Variants in WNK1 observed in about 807,000 individuals in gnomAD.
WNK1 encodes the protein WNK lysine deficient protein kinase 1.
Under a neutral mutation model 222.8 loss-of-function variants are expected in WNK1, and 38 were observed. The observed-to-expected ratio is 0.17, with a 90% confidence interval of 0.13 to 0.22. The LOEUF (loss-of-function observed/expected upper bound fraction) is 0.22. Ranked by LOEUF, WNK1 falls within the 10% of genes least tolerant of loss-of-function variation. WNK1 has a pLI of 1.00. For missense variants in WNK1, 2,348 were observed against 2,918.4 expected (o/e 0.80, Z 4.50); for synonymous variants, 1,090 against 1,092.9 (o/e 1.00, Z 0.05).
intron 1 of WNK1, among the ~76,000 whole-genome samples, chr12:758,157 T>C (rs1400930634): frequency 6.8e-6 from 1 of 146,674 alleles, no homozygotes; most frequent in Non-Finnish European, 1.5e-5. Context: ...CGTTATATGT[T>C]GATGAGATTG....
chr12:825,045 A>G (rs889878737), intron 2 of WNK1, among the ~76,000 whole-genome samples: 2 of 152,178 alleles, frequency 1.3e-5, no homozygotes, highest in African/African-American at 2.4e-5. Flanking sequence ...TTTTTCTTTT[A>G]CCTCCAAACA....
rs564401636 is a variant in WNK1, at chr12:809,649, A to C, written c.760-3993A>C. On this transcript the variant is annotated intron_variant, in intron 1 of 27. Coordinates refer to ENST00000315939, the MANE Select transcript of WNK1 (RefSeq NM_018979.4). ...AGTTGTAGTTTTTCCAACCTTTCCC[A>C]GGCCTTCAATCTCTAATTCTGAAGT... 2.0e-5 allele frequency among the ~76,000 whole-genome samples: 3 copies of C among 152,290 alleles called. No homozygotes were observed. In the East Asian group the frequency reaches 5.8e-4, roughly 29 times the overall value.
chr12:799,971 T>C (rs1021696892), intron 1 of WNK1, among the ~76,000 whole-genome samples: 18 of 152,036 alleles, frequency 1.2e-4, no homozygotes, highest in Admixed American at 1.1e-3. Context: ...ACCGCGCTTG[T>C]CCTACAAAAA....
At chr12:800,176 T>C (rs1285900772) in intron 1 of WNK1, among the ~76,000 whole-genome samples, 1 of 152,042 alleles carries the variant, frequency 6.6e-6, no homozygotes, top group Non-Finnish European at 1.5e-5. Context: ...GAATATTTAT[T>C]TGGACTGAAA....
chr12:878,270 A>C lies in WNK1; in HGVS notation c.2282A>C (p.Gln761Pro). Residue 761 changes from glutamine to proline, a missense_variant, in exon 10 of 28, where the codon CAG (glutamine) becomes CCG (proline). Physicochemically the swap from Gln to Pro is moderately conservative, Grantham distance 76. Coordinates refer to ENST00000315939, the MANE Select transcript of WNK1 (RefSeq NM_018979.4). ...PQQTVQYSLS[Q>P]TSTSSEATTA... is the part of the protein sequence containing the mutation. ...CAGACAGTGCAGTATTCACTTTCACAGACATCAACCTCCAGTGAGGCCACT... is the reference window on the plus strand; with the variant it reads ...CAGACAGTGCAGTATTCACTTTCACCGACATCAACCTCCAGTGAGGCCACT... 1 of 1,614,158 alleles carries C rather than the reference A, an allele frequency of 6.2e-7. No individual in the cohort carries two copies. The highest frequency in any genetic ancestry group is 8.5e-7 in the Non-Finnish European group (1 of 1,180,014).
chr12:862,405 CT>C, intron 8 of WNK1, 135 bp downstream of exon 8: 1 of 990,514 alleles, frequency 1.0e-6, no homozygotes, highest in Non-Finnish European at 1.5e-6. Flanking sequence ...TCTCTAAAGC[CT>C]TATTATAGAG....
At chr12:756,804 C>G (rs6489746) in intron 1 of WNK1, among the ~76,000 whole-genome samples, 108,881 of 152,044 alleles carry the variant, frequency 0.72, 39,414 homozygotes, top group East Asian at 0.87. Context: ...TTCGCTAAAT[C>G]TATCCTTTTA....
chr12:817,535 C>A (rs919065805), intron 2 of WNK1, among the ~76,000 whole-genome samples: 1 of 152,078 alleles, frequency 6.6e-6, no homozygotes, highest in Non-Finnish European at 1.5e-5. Flanking sequence ...TTCCAAAATG[C>A]GTGCTTTTTG....
Position 909,153 on chromosome 12 carries a change from G to A in WNK1, c.*361G>A. The A allele has an allele frequency of 3.6e-6, 1 of 279,834 alleles. No homozygotes were observed. The highest frequency in any genetic ancestry group is 6.9e-6 in the Non-Finnish European group (1 of 144,170). 17.3% of individuals were successfully genotyped at this position (279,834 alleles called of 1,614,324 possible). On this transcript the variant is annotated 3_prime_UTR_variant, in exon 28 of 28. Transcript: ENST00000315939. ...CCATCTGTAATTTCGAGTGGGTGGA[G>A]CTCTTGCTTTTGGTACATGCCCTGA...
At chr12:758,441 G>A (rs1940532359) in intron 1 of WNK1, among the ~76,000 whole-genome samples, 1 of 111,686 alleles carries the variant, frequency 9.0e-6, no homozygotes, top group Non-Finnish European at 1.7e-5. Context: ...ACTGCGGACT[G>A]CAGTGGCGCA....
chr12:858,445 C>T (rs905896665), intron 5 of WNK1, among the ~76,000 whole-genome samples: 8 of 152,280 alleles, frequency 5.3e-5, no homozygotes, highest in African/African-American at 1.9e-4. Flanking sequence ...CCACCTTGGC[C>T]TCCCAAAGTA....
At chr12:882,121 A>T in intron 14 of WNK1, 48 bp downstream of exon 14, 1 of 1,553,402 alleles carries the variant, frequency 6.4e-7, no homozygotes, top group South Asian at 1.2e-5. Flanking sequence ...GGAATTTGAC[A>T]CTGAAAAAGA....
chr12:759,401 G>T lies in WNK1; in HGVS notation c.759+5077G>T, dbSNP rs1217698531. 2.0e-5 allele frequency among the ~76,000 whole-genome samples: 3 copies of T among 147,090 alleles called. 1 individual carries two copies. Among genetic ancestry groups the T allele is most frequent in the Non-Finnish European group, 4.5e-5 (3 of 65,938 alleles). On this transcript the variant is annotated intron_variant, in intron 1 of 27. Transcript: ENST00000315939. ...GCTGGAGTACAGTGGCGCGATCTCG[G>T]CTCACTGCAACCTCCACCTCCCGGG...
intron 4 of WNK1, among the ~76,000 whole-genome samples, chr12:854,135 A>AGGTAGGAG (rs1476353612): frequency 6.6e-6 from 1 of 151,892 alleles, no homozygotes; most frequent in Admixed American, 6.6e-5. Flanking sequence ...TGGGAGGCCA[A>AGGTAGGAG]GGTAGGAGGA....
chr12:881,710 C>A lies in WNK1; in HGVS notation c.3130C>A (p.Gln1044Lys), dbSNP rs771682168. 6.2e-7 allele frequency: 1 copy of A among 1,614,114 alleles called. No homozygotes were observed. Among genetic ancestry groups the A allele is most frequent in the Non-Finnish European group, 8.5e-7 (1 of 1,179,978 alleles). The change falls in exon 13 of 28, where the codon CAG (glutamine) becomes AAG (lysine). Residue 1044 changes from glutamine (Q) to lysine (K), a missense_variant. Gln to Lys is a moderately conservative substitution (Grantham distance 53). This residue lies in a region of WNK1 where 547 missense variants were observed against 558.3 expected (regional missense o/e 0.98). Transcript: ENST00000315939. ...AVLESTQGVSQVAPAEPVAVA... is the reference protein window; with the variant it reads ...AVLESTQGVSKVAPAEPVAVA... ...TTCACAGAGTACTCAGGGAGTCTCT[C>A]AGGTTGCTCCTGCAGAGCCAGTTGC...
chr12:887,717 C>T (rs1342813523), intron 20 of WNK1, among the ~76,000 whole-genome samples: 1 of 152,146 alleles, frequency 6.6e-6, no homozygotes, highest in Non-Finnish European at 1.5e-5. Context: ...TCCGCGAGTC[C>T]AGAGCAACCA....
chr12:756,761 G>A (rs531732709), intron 1 of WNK1, among the ~76,000 whole-genome samples: 2 of 152,082 alleles, frequency 1.3e-5, no homozygotes, highest in Non-Finnish European at 2.9e-5. Context: ...ACAAGCCAAG[G>A]GATTACTAAA....
Position 882,080 on chromosome 12 carries a change from A to G in WNK1, c.3372+7A>G. 2 of 1,605,316 alleles carry G rather than the reference A, an allele frequency of 1.2e-6. No individual in the cohort carries two copies. The highest frequency in any genetic ancestry group is 1.1e-5 in the South Asian group (1 of 89,924). ...AAAATTAAGAATTTTGAATGTAAGTATTCCTAATTTGTGAGTTTCATGTTG... is the reference window on the plus strand; with the variant it reads ...AAAATTAAGAATTTTGAATGTAAGTGTTCCTAATTTGTGAGTTTCATGTTG... On this transcript the variant is annotated splice_region_variant and intron_variant, in intron 14 of 27. Coordinates refer to ENST00000315939, the MANE Select transcript of WNK1 (RefSeq NM_018979.4).
intron 26 of WNK1, chr12:904,405 C>T (rs1473968685): frequency 1.2e-5 from 15 of 1,275,580 alleles, no homozygotes; most frequent in Non-Finnish European, 1.5e-5. Flanking sequence ...ATATTTTACA[C>T]TGATGTTTCT....
Sources: allele counts gnomAD v4.1 joint callset (sites outside exome capture counted in the v4.1 genomes callset), GRCh38; gene constraint gnomAD v4.1.1; regional missense constraint gnomAD v4.1.1; transcripts MANE v1.5; gene names NCBI Gene and HGNC (gene_info 2026-07-23, HGNC 2026-07-21).